NTM: variants seen among roughly 807,000 people sequenced by gnomAD.
The protein encoded by NTM is IgLON family member 2.
Under a neutral mutation model 42.1 loss-of-function variants are expected in NTM, and 13 were observed. The ratio of observed to expected loss-of-function variants is 0.31; its 90% CI spans 0.20 to 0.49. The LOEUF is 0.49. NTM is among the 20% of genes least tolerant of loss of function. The probability of loss-of-function intolerance (pLI) is 0.99; values close to 1 mark genes in which losing one functional copy is unlikely to be tolerated. For missense variants in NTM, 373 were observed against 452.8 expected, an observed-to-expected ratio of 0.82 and a Z score of 1.60; for synonymous variants, 187 against 179.2, an observed-to-expected ratio of 1.04 and a Z score of -0.35.
intron 3 of NTM, among the ~76,000 whole-genome samples, chr11:132,152,986 C>G (rs1339454618): frequency 1.3e-5 from 2 of 152,186 alleles, no homozygotes; most frequent in Non-Finnish European, 2.9e-5. Context: ...GCCTTTCACA[C>G]CCACTCATAG....
chr11:132,256,679 C>T (rs2092500766), intron 4 of NTM, among the ~76,000 whole-genome samples: 1 of 151,344 alleles, frequency 6.6e-6, no homozygotes, highest in South Asian at 2.1e-4. Flanking sequence ...CTGGCAGGGC[C>T]TGTTCTCAGA....
intron 2 of NTM, among the ~76,000 whole-genome samples, chr11:131,930,855 G>A (rs1206778232): frequency 2.6e-5 from 4 of 152,046 alleles, no homozygotes; most frequent in African/African-American, 4.8e-5. Context: ...TAAAATTAAC[G>A]TAGTCCTGAA....
chr11:131,557,705 C>G (rs920323799), intron 1 of NTM, among the ~76,000 whole-genome samples: 1 of 119,872 alleles, frequency 8.3e-6, no homozygotes, highest in Non-Finnish European at 1.6e-5. Context: ...GTGCCTTACT[C>G]AATTAGATGC....
At chr11:131,699,384 A>G (rs1454072626) in intron 1 of NTM, among the ~76,000 whole-genome samples, 2 of 152,254 alleles carry the variant, frequency 1.3e-5, no homozygotes, top group Non-Finnish European at 2.9e-5. Context: ...GACAAAAAGT[A>G]GAAAGCTTAA....
chr11:131,476,998 C>T (rs1425862233), intron 1 of NTM, among the ~76,000 whole-genome samples: 2 of 152,034 alleles, frequency 1.3e-5, no homozygotes, highest in African/African-American at 2.4e-5. Flanking sequence ...TACCCCGCAC[C>T]CCGTGTTTTA....
intron 2 of NTM, among the ~76,000 whole-genome samples, chr11:131,973,268 A>T (rs778797139): frequency 6.6e-6 from 1 of 152,214 alleles, no homozygotes; most frequent in African/African-American, 2.4e-5. Flanking sequence ...CAGAGGGGGA[A>T]GTTGAGCACA....
intron 1 of NTM, among the ~76,000 whole-genome samples, chr11:131,834,642 ATATG>A (rs2043261174): frequency 6.8e-6 from 1 of 147,450 alleles, no homozygotes; most frequent in Non-Finnish European, 1.5e-5. Context: ...ATATATATAT[ATATG>A]TATAATCTTC....
At chr11:132,132,386 A>G (rs1293470386) in intron 2 of NTM, among the ~76,000 whole-genome samples, 1 of 152,236 alleles carries the variant, frequency 6.6e-6, no homozygotes, top group African/African-American at 2.4e-5. Flanking sequence ...ATTTCATTTA[A>G]GTAGCTGTTA....
intron 1 of NTM, among the ~76,000 whole-genome samples, chr11:131,512,939 G>A (rs923016589): frequency 2.6e-5 from 4 of 150,954 alleles, no homozygotes; most frequent in Admixed American, 1.3e-4. Context: ...TTTAGCACCC[G>A]ATTATTCAGT....
At chr11:131,450,041 G>A (rs910016995) in intron 1 of NTM, among the ~76,000 whole-genome samples, 2 of 152,188 alleles carry the variant, frequency 1.3e-5, no homozygotes, top group East Asian at 3.9e-4. Flanking sequence ...GCTGCTGTAA[G>A]TGCCACAGCT....
intron 2 of NTM, among the ~76,000 whole-genome samples, chr11:131,933,206 C>CAG (rs755523782): frequency 2.0e-5 from 3 of 152,336 alleles, no homozygotes; most frequent in Non-Finnish European, 2.9e-5. Context: ...TGCCAATTGG[C>CAG]TCCTGGTCCT....
At chr11:131,978,481 A>G (rs1263600735) in intron 2 of NTM, among the ~76,000 whole-genome samples, 1 of 152,156 alleles carries the variant, frequency 6.6e-6, no homozygotes, top group East Asian at 1.9e-4. Context: ...GAAAAAAAAC[A>G]GTAGACCTGC....
chr11:131,869,245 G>C (rs1249912666), intron 1 of NTM, among the ~76,000 whole-genome samples: 1 of 152,184 alleles, frequency 6.6e-6, no homozygotes, highest in African/African-American at 2.4e-5. Context: ...ATGACTGGAA[G>C]AGGGAACAGG....
Position 131,902,458 on chromosome 11 carries a change from C to G in NTM, c.83-9106C>G, listed in dbSNP as rs1016361411. Among the ~76,000 whole-genome samples the G allele has an allele frequency of 4.6e-5, 7 of 152,218 alleles. No individual in the cohort carries two copies. In the East Asian group the frequency reaches 1.3e-3, roughly 29 times the overall value. ...ACATTTACAAATCAAACTTGGTGAA[C>G]TAAACATTTAGAACCTTAGAGTGAA... On this transcript the variant is annotated intron_variant, in intron 1 of 8. Coordinates refer to ENST00000683400, the MANE Select transcript of NTM (RefSeq NM_001352005.2).
At chr11:131,655,636 C>T (rs902896193) in intron 1 of NTM, among the ~76,000 whole-genome samples, 1 of 152,178 alleles carries the variant, frequency 6.6e-6, no homozygotes, top group Non-Finnish European at 1.5e-5. Flanking sequence ...GGTCCATTCC[C>T]CACTCAGAAG....
At position 132,246,077 on chromosome 11, in the gene NTM, T is replaced by C. The variant is rs1591508404; in HGVS notation, c.526+33930T>C. ...AAGACTGAGTAGAGAAAGTGGAGTC[T>C]CCTTGCCTTGGGCCCACAGCCTCCT... On this transcript the variant is annotated intron_variant, in intron 4 of 8. Coordinates refer to ENST00000683400, the MANE Select transcript of NTM (RefSeq NM_001352005.2). Among the ~76,000 whole-genome samples, 3 of 152,308 alleles carry C rather than the reference T, an allele frequency of 2.0e-5. No homozygotes were observed. In the South Asian group the frequency reaches 6.2e-4, roughly 32 times the overall value.
chr11:131,486,754 A>G lies in NTM; in HGVS notation c.82+115866A>G, dbSNP rs555374982. On this transcript the variant is annotated intron_variant, in intron 1 of 8. Transcript: ENST00000683400. The stretch of plus-strand genomic sequence containing the variant: ...CCTTTCCTTCTTTTCCTTTCTAACC[A>G]CATTCTTCTCCAGCTTCTCTTTCTC... 1.6e-4 allele frequency among the ~76,000 whole-genome samples: 24 copies of G among 152,088 alleles called. No individual in the cohort carries two copies. The South Asian group carries it at 5.0e-3, about 32-fold the overall frequency.
chr11:131,617,581 G>A (rs893168540), intron 1 of NTM, among the ~76,000 whole-genome samples: 4 of 152,140 alleles, frequency 2.6e-5, no homozygotes, highest in Non-Finnish European at 4.4e-5. Flanking sequence ...TCTGAGTGCT[G>A]AGCAGTATGG....
chr11:131,506,478 G>A lies in NTM; in HGVS notation c.82+135590G>A, dbSNP rs905364587. On this transcript the variant is annotated intron_variant, in intron 1 of 8. Transcript: ENST00000683400. ...GCCATTCTGCAGTTACTGAGATGGC[G>A]TGTCGCTGGGACAGCCCTATAAATC... Among the ~76,000 whole-genome samples the A allele has an allele frequency of 3.9e-5, 6 of 152,350 alleles. No individual in the cohort carries two copies. The East Asian group carries it at 7.7e-4, about 20-fold the overall frequency.
Sources: allele counts gnomAD v4.1 joint callset (sites outside exome capture counted in the v4.1 genomes callset), GRCh38; gene constraint gnomAD v4.1.1; transcripts MANE v1.5; gene names NCBI Gene and HGNC (gene_info 2026-07-23, HGNC 2026-07-21).